The following EYA1 variants were observed in gnomAD, a reference collection of about 807,000 sequenced individuals.
EYA1 encodes the protein EYA transcriptional coactivator and phosphatase 1, also known as protein phosphatase EYA1.
EYA1 carries 16 observed loss-of-function variants against 82.0 expected under a neutral mutation model. That is an observed-to-expected ratio of 0.20 (90% CI 0.13 to 0.30). The LOEUF (loss-of-function observed/expected upper bound fraction) is 0.30, where lower values mean the gene tolerates loss of function less well. EYA1 is among the 10% of genes least tolerant of loss of function. EYA1 has a pLI of 1.00. For missense variants in EYA1, 633 were observed against 730.7 expected, an observed-to-expected ratio of 0.87 and a Z score of 1.54; for synonymous variants, 261 against 264.4, an observed-to-expected ratio of 0.99 and a Z score of 0.12.
At chr8:71,210,792 C>T (rs574446683) in intron 17 of EYA1, among the ~76,000 whole-genome samples, 1 of 152,222 alleles carries the variant, frequency 6.6e-6, no homozygotes, top group Non-Finnish European at 1.5e-5. Flanking sequence ...TCTTAGGCTG[C>T]GTCCAGGCTC....
chr8:71,448,798 C>A (rs1807112245), intron 2 of EYA1: 1 of 163,116 alleles, frequency 6.1e-6, no homozygotes. Flanking sequence ...TGGAATTTTT[C>A]TACATTCCAC....
intron 2 of EYA1, chr8:71,535,637 G>T: frequency 1.3e-6 from 1 of 784,168 alleles, no homozygotes; most frequent in Non-Finnish European, 2.0e-6. Flanking sequence ...TGGTACATTG[G>T]TACAGAGCTT....
At chr8:71,523,181 T>TC in intron 2 of EYA1, among the ~76,000 whole-genome samples, 1 of 138,430 alleles carries the variant, frequency 7.2e-6, no homozygotes, top group African/African-American at 2.8e-5. Flanking sequence ...TTCTTTTTCT[T>TC]TTTTTTTTTT....
intron 3 of EYA1, among the ~76,000 whole-genome samples, chr8:71,336,117 C>A (rs764868032): frequency 1.4e-4 from 22 of 152,136 alleles, no homozygotes; most frequent in Non-Finnish European, 2.5e-4. Flanking sequence ...TAGGAAGTCA[C>A]CCAAAGACTC....
intron 11 of EYA1, 82 bp from the exon 12 acceptor site, chr8:71,244,774 A>G (rs1006306406): frequency 1.2e-6 from 1 of 826,122 alleles, no homozygotes; most frequent in Admixed American, 2.0e-5. Context: ...GGAAGCAGGC[A>G]TTGGGAGAGG....
chr8:71,213,892 A>G (rs1808846227), intron 16 of EYA1, among the ~76,000 whole-genome samples: 2 of 152,230 alleles, frequency 1.3e-5, no homozygotes, highest in African/African-American at 4.8e-5. Flanking sequence ...ATTCATCTCT[A>G]CATTTATTGA....
intron 17 of EYA1, among the ~76,000 whole-genome samples, chr8:71,208,581 G>C (rs1808118010): frequency 1.3e-5 from 2 of 152,098 alleles, no homozygotes; most frequent in African/African-American, 4.8e-5. Context: ...ATTTGTCAAA[G>C]CTGTCAGGAT....
intron 7 of EYA1, among the ~76,000 whole-genome samples, chr8:71,306,892 A>G (rs1262803075): frequency 6.6e-6 from 1 of 152,162 alleles, no homozygotes; most frequent in African/African-American, 2.4e-5. Flanking sequence ...CTCATTTTCT[A>G]TATTTATCCT....
At chr8:71,451,869 A>C (rs1016018687) in intron 2 of EYA1, among the ~76,000 whole-genome samples, 2 of 152,208 alleles carry the variant, frequency 1.3e-5, no homozygotes, top group African/African-American at 2.4e-5. Context: ...TGATTTCTGC[A>C]TTTCCAACTG....
chr8:71,483,231 C>T (rs1056448709), intron 2 of EYA1, among the ~76,000 whole-genome samples: 24 of 152,166 alleles, frequency 1.6e-4, no homozygotes, highest in African/African-American at 5.8e-4. Context: ...TTGCCTCTGC[C>T]TGGAATGTTC....
chr8:71,453,195 T>C (rs1807542432), intron 2 of EYA1, among the ~76,000 whole-genome samples: 1 of 151,914 alleles, frequency 6.6e-6, no homozygotes, highest in Admixed American at 6.6e-5. Flanking sequence ...ATGAATGAAA[T>C]GAAGTGAGAA....
intron 3 of EYA1, among the ~76,000 whole-genome samples, chr8:71,338,368 A>G (rs569156687): frequency 6.6e-6 from 1 of 152,258 alleles, no homozygotes; most frequent in Non-Finnish European, 1.5e-5. Context: ...TTACATGGCA[A>G]TTGTGATCAA....
At position 71,299,062 on chromosome 8, in the gene EYA1, T is replaced by C; in HGVS notation, c.811A>G (p.Thr271Ala). 5 of 1,614,046 alleles carry C rather than the reference T, an allele frequency of 3.1e-6. No homozygotes were observed. The highest frequency in any genetic ancestry group is 4.2e-6 in the Non-Finnish European group (5 of 1,179,944). The stretch of plus-strand genomic sequence containing the variant: ...ACATAATTACCTGCTGTGGGATCTG[T>C]AACTGCTTGGCTGGTGATGCCAGAT... ...PPSGITSQAV[T>A]DPTAEYSTIH... is the part of the protein sequence containing the mutation. Residue 271 changes from threonine (T) to alanine (A), a missense_variant, in exon 9 of 18, where the codon ACA (threonine) becomes GCA (alanine). Transcript: ENST00000340726.
chr8:71,232,043 A>T (rs1447082310), intron 12 of EYA1, among the ~76,000 whole-genome samples: 1 of 152,250 alleles, frequency 6.6e-6, no homozygotes, highest in African/African-American at 2.4e-5. Context: ...ACTTGGCTAG[A>T]AAGGTTTTGT....
chr8:71,292,526 C>T (rs768956024), intron 9 of EYA1, among the ~76,000 whole-genome samples: 5 of 151,926 alleles, frequency 3.3e-5, no homozygotes, highest in Non-Finnish European at 5.9e-5. Context: ...CCATGGAATA[C>T]CCTTCTACTC....
At chr8:71,316,851 A>G (rs1821982959) in intron 7 of EYA1, among the ~76,000 whole-genome samples, 2 of 152,224 alleles carry the variant, frequency 1.3e-5, no homozygotes, top group African/African-American at 4.8e-5. Context: ...CAAGCACTTT[A>G]AAGATCTATT....
At chr8:71,341,768 A>C (rs1825151610) in intron 3 of EYA1, among the ~76,000 whole-genome samples, 1 of 152,196 alleles carries the variant, frequency 6.6e-6, no homozygotes, top group African/African-American at 2.4e-5. Context: ...TTAGCTCTTC[A>C]ATGGTACACC....
chr8:71,210,898 C>A (rs1044504130), intron 17 of EYA1, among the ~76,000 whole-genome samples: 1 of 152,242 alleles, frequency 6.6e-6, no homozygotes, highest in African/African-American at 2.4e-5. Context: ...GACAGCTACA[C>A]CACTAACAAC....
chr8:71,432,849 C>T (rs2129162638), intron 2 of EYA1, among the ~76,000 whole-genome samples: 1 of 152,130 alleles, frequency 6.6e-6, no homozygotes, highest in South Asian at 2.1e-4. Context: ...AAACAAAGAC[C>T]AAAAGAAGAC....
Sources: gnomAD v4.1 joint callset for allele counts (sites outside exome capture counted in the v4.1 genomes callset) on GRCh38, gnomAD v4.1.1 for gene constraint, MANE v1.5 for transcripts, NCBI Gene and HGNC (gene_info 2026-07-23, HGNC 2026-07-21) for gene names.